Variants in KIAA0319L observed in about 807,000 individuals in gnomAD.
The protein encoded by KIAA0319L is KIAA0319 like.
Under a neutral mutation model 120.1 loss-of-function variants are expected in KIAA0319L, and 55 were observed. The ratio of observed to expected loss-of-function variants is 0.46; its 90% CI spans 0.37 to 0.57. The LOEUF is 0.57. KIAA0319L is among the 20% of genes least tolerant of loss of function. The pLI is 0.00. For missense variants in KIAA0319L, 1,049 were observed against 1,255.3 expected (o/e 0.84, Z 2.48); for synonymous variants, 398 against 471.9 (o/e 0.84, Z 2.03).
chr1:35,534,625 C>A (rs1369508733), intron 2 of KIAA0319L, among the ~76,000 whole-genome samples: 1 of 151,696 alleles, frequency 6.6e-6, no homozygotes, highest in Non-Finnish European at 1.5e-5. Context: ...TTTGGAAGGC[C>A]GAGGCAGGTG....
Position 35,444,036 on chromosome 1 carries a change from T to A in KIAA0319L, c.2656+125A>T, listed in dbSNP as rs183433935. ...CAGGACTCTTTCATGGTAATAGTAGTGCAAGAGAATGATTATCTCCATCTT... is the reference window on the plus strand; with the variant it reads ...CAGGACTCTTTCATGGTAATAGTAGAGCAAGAGAATGATTATCTCCATCTT... On this transcript the variant is annotated intron_variant, in intron 17 of 20. Transcript: ENST00000325722. 3.6e-5 allele frequency: 30 copies of A among 824,138 alleles called. No homozygotes were observed. The African/African-American group carries it at 5.1e-4, about 14-fold the overall frequency. The allele number at this position is 824,138 out of a possible 1,614,324, so 51.1% of individuals were successfully genotyped here. A position where few individuals can be genotyped will look rare whatever the true frequency, so the allele number is the denominator to read the frequency against.
In KIAA0319L at chr1:35,470,958, C is replaced by G; in HGVS notation, c.1018G>C (p.Glu340Gln). 6.3e-7 allele frequency: 1 copy of G among 1,595,638 alleles called. No homozygotes were observed. Among genetic ancestry groups the G allele is most frequent in the East Asian group, 2.2e-5 (1 of 44,798 alleles). The change falls in exon 6 of 21, where the codon GAA (glutamate) becomes CAA (glutamine). Residue 340 changes from glutamate to glutamine, a missense_variant and splice_region_variant. Coordinates refer to ENST00000325722, the MANE Select transcript of KIAA0319L (RefSeq NM_024874.5). Reference sequence around the variant, plus strand: ...AGCTGCCAGTCGTAGGTGTAGGTTTCTCCTATAGAAGGGCAGTTACAAAAA... The same window carrying G: ...AGCTGCCAGTCGTAGGTGTAGGTTTGTCCTATAGAAGGGCAGTTACAAAAA... ...AYVLQEPPKG[E>Q]TYTYDWQLIT...
intron 2 of KIAA0319L, among the ~76,000 whole-genome samples, chr1:35,528,092 T>A (rs1646224063): frequency 6.6e-6 from 1 of 152,204 alleles, no homozygotes; most frequent in South Asian, 2.1e-4. Context: ...TAAGAAATTT[T>A]TTTTCTTCTT....
intron 6 of KIAA0319L, among the ~76,000 whole-genome samples, chr1:35,469,179 C>T (rs189629842): frequency 7.9e-4 from 121 of 152,238 alleles, no homozygotes; most frequent in African/African-American, 2.7e-3. Context: ...CAGGCACATG[C>T]CACCACACCC....
chr1:35,554,324 T>C (rs767660843), intron 2 of KIAA0319L, 26 bp downstream of exon 2: 2 of 1,498,658 alleles, frequency 1.3e-6, no homozygotes, highest in South Asian at 1.4e-5. Context: ...AAAAAAAAAA[T>C]CTTAAATCTA....
At chr1:35,545,990 T>C (rs1571029334) in intron 2 of KIAA0319L, among the ~76,000 whole-genome samples, 1 of 152,008 alleles carries the variant, frequency 6.6e-6, no homozygotes, top group African/African-American at 2.4e-5. Context: ...AGAAAGGGGG[T>C]AAAAGATCAC....
intron 2 of KIAA0319L, among the ~76,000 whole-genome samples, chr1:35,543,956 C>T (rs1046398823): frequency 1.3e-5 from 2 of 152,170 alleles, no homozygotes; most frequent in Non-Finnish European, 2.9e-5. Context: ...TGTGTAATCA[C>T]AAATGGCCTT....
chr1:35,435,601 G>A (rs1157407522), intron 20 of KIAA0319L: 1 of 153,374 alleles, frequency 6.5e-6, no homozygotes, highest in African/African-American at 2.4e-5. Context: ...CTGGATGCTA[G>A]GGTGGCAGAG....
chr1:35,471,237 C>T (rs558751345), intron 5 of KIAA0319L, among the ~76,000 whole-genome samples: 5 of 152,138 alleles, frequency 3.3e-5, no homozygotes, highest in Non-Finnish European at 7.4e-5. Context: ...TAAAAAATAC[C>T]AGGTTGCTCA....
chr1:35,438,887 T>G (rs1327077631), intron 20 of KIAA0319L: 1 of 152,544 alleles, frequency 6.6e-6, no homozygotes, highest in Admixed American at 6.5e-5. Context: ...GGCGCATGCC[T>G]GTGGTCCCAG....
intron 8 of KIAA0319L, among the ~76,000 whole-genome samples, chr1:35,461,802 C>T (rs1642912700): frequency 6.6e-6 from 1 of 152,114 alleles, no homozygotes; most frequent in South Asian, 2.1e-4. Flanking sequence ...CCTGTTCCCT[C>T]TCTTCCCTCC....
intron 20 of KIAA0319L, chr1:35,439,207 G>C (rs1302222562): frequency 6.6e-6 from 1 of 152,170 alleles, no homozygotes; most frequent in African/African-American, 2.4e-5. Flanking sequence ...AATGCTCTCT[G>C]CTCCTTCTAG....
At chr1:35,462,838 G>A (rs1642990999) in intron 7 of KIAA0319L, 125 bp from the exon 8 acceptor site, 2 of 749,334 alleles carry the variant, frequency 2.7e-6, no homozygotes, top group Non-Finnish European at 4.4e-6. Context: ...TTTGGCACCA[G>A]GGACCAGTTT....
intron 4 of KIAA0319L, among the ~76,000 whole-genome samples, chr1:35,475,741 A>C (rs1484129108): frequency 1.3e-5 from 2 of 152,116 alleles, no homozygotes; most frequent in African/African-American, 4.8e-5. Flanking sequence ...GTCTTTCCAA[A>C]ATACTCACCC....
At chr1:35,546,370 T>C (rs1646984370) in intron 2 of KIAA0319L, among the ~76,000 whole-genome samples, 1 of 152,082 alleles carries the variant, frequency 6.6e-6, no homozygotes, top group Non-Finnish European at 1.5e-5. Flanking sequence ...AGATGTTAAG[T>C]AAGGTAAGAA....
intron 5 of KIAA0319L, 60 bp downstream of exon 5, chr1:35,474,745 G>A (rs532378314): frequency 1.0e-6 from 1 of 978,248 alleles, no homozygotes; most frequent in South Asian, 1.3e-5. Context: ...GGACAACACA[G>A]CAAGACTCCA....
In KIAA0319L at chr1:35,460,373, T is replaced by G; in HGVS notation, c.1359A>C (p.Glu453Asp). The change falls in exon 9 of 21, where the codon GAA becomes GAC. Residue 453 changes from glutamate (E) to aspartate (D), a missense_variant. By Grantham distance (45) the Glu-to-Asp change is conservative. Transcript: ENST00000325722. ...TGGCTGTATCTTCAGAAATCTTCTCTTCTCTTAGAGGCCCCTTAAGTTCTT... is the reference window on the plus strand; with the variant it reads ...TGGCTGTATCTTCAGAAATCTTCTCGTCTCTTAGAGGCCCCTTAAGTTCTT... ...HWEELKGPLR[E>D]EKISEDTAIL... 1.2e-6 allele frequency: 2 copies of G among 1,612,410 alleles called. No homozygotes were observed. Among genetic ancestry groups the G allele is most frequent in the East Asian group, 4.5e-5 (2 of 44,846 alleles).
At chr1:35,484,801 TA>T (rs1336291265) in intron 3 of KIAA0319L, among the ~76,000 whole-genome samples, 8,347 of 45,476 alleles carry the variant, frequency 0.18, 579 homozygotes, top group Middle Eastern at 0.22. Context: ...TATATATATA[TA>T]TATATTTTTT....
At chr1:35,455,556 A>G (rs1245211599) in intron 10 of KIAA0319L, among the ~76,000 whole-genome samples, 2 of 148,210 alleles carry the variant, frequency 1.3e-5, no homozygotes, top group African/African-American at 5.0e-5. Flanking sequence ...TTCCTCTAAT[A>G]CTAAACATTT....
Sources: allele counts gnomAD v4.1 joint callset (sites outside exome capture counted in the v4.1 genomes callset), GRCh38; gene constraint gnomAD v4.1.1; transcripts MANE v1.5; gene names NCBI Gene and HGNC (gene_info 2026-07-23, HGNC 2026-07-21).